The following PML variants were observed in gnomAD, a reference collection of about 807,000 sequenced individuals.
The protein encoded by PML is PML nuclear body scaffold.
A neutral mutation model predicts 65.2 loss-of-function variants in PML; 28 were observed. That is an observed-to-expected ratio of 0.43 (90% CI 0.32 to 0.59). The LOEUF is 0.59. PML is among the 20% of genes least tolerant of loss of function. PML has a pLI of 0.08. For synonymous variants in PML, 500 were observed against 508.8 expected (o/e 0.98, Z 0.23); for missense variants, 1,021 against 1,203.4 (o/e 0.85, Z 2.24).
At position 74,042,692 on chromosome 15, in the gene PML, T is replaced by C. The variant is rs529489071; in HGVS notation, c.1711-297T>C. On this transcript the variant is annotated intron_variant, in intron 7 of 8. Transcript: ENST00000268058. The surrounding 1 kb of genome is among the most constrained non-coding windows in gnomAD (Gnocchi z 5.3). The stretch of plus-strand genomic sequence containing the variant: ...CTTAACTGTGCATGCACACACAGAT[T>C]TAGCACTTGGATTCATTCCCACACA... 5.1e-6 allele frequency: 5 copies of C among 985,336 alleles called. No homozygotes were observed. In the South Asian group the frequency reaches 2.3e-4, roughly 46 times the overall value. The allele number at this position is 985,336 out of a possible 1,614,324, so 61.0% of individuals were successfully genotyped here.
At chr15:74,002,875 C>T (rs1288832069) in intron 2 of PML, among the ~76,000 whole-genome samples, 1 of 152,010 alleles carries the variant, frequency 6.6e-6, no homozygotes, top group African/African-American at 2.4e-5. Flanking sequence ...CCTGTAATCC[C>T]AACACTTTGG....
In PML at chr15:74,043,001, C is replaced by G; in HGVS notation, c.1723C>G (p.Leu575Val). ...SDAENSSSRELDDSSSESSDL... is the reference protein window; with the variant it reads ...SDAENSSSREVDDSSSESSDL... Reference sequence around the variant, plus strand: ...TTCTGTGTTGCAGTCCTCCCGAGAGCTGGATGACAGCAGCAGTGAGTCCAG... The same window carrying G: ...TTCTGTGTTGCAGTCCTCCCGAGAGGTGGATGACAGCAGCAGTGAGTCCAG... Residue 575 changes from leucine to valine, a missense_variant, in exon 8 of 9, where the codon CTG becomes GTG. Physicochemically the swap from Leu to Val is conservative, Grantham distance 32. Coordinates refer to ENST00000268058, the MANE Select transcript of PML (RefSeq NM_033238.3). The surrounding 1 kb of genome is among the most constrained non-coding windows in gnomAD (Gnocchi z 4.3). The G allele has an allele frequency of 6.2e-7, 1 of 1,613,722 alleles. No individual in the cohort carries two copies. The highest frequency in any genetic ancestry group is 8.5e-7 in the Non-Finnish European group (1 of 1,179,956).
At chr15:73,998,660 G>A (rs1003015450) in intron 2 of PML, among the ~76,000 whole-genome samples, 184 bp downstream of exon 2, 1 of 152,198 alleles carries the variant, frequency 6.6e-6, no homozygotes, top group Non-Finnish European at 1.5e-5. Flanking sequence ...CAGTCCCCAC[G>A]CAGGTGGATA....
At chr15:74,034,425 T>C (rs1448404404) in intron 6 of PML, 53 bp from the exon 7 acceptor site, 2 of 1,613,634 alleles carry the variant, frequency 1.2e-6, no homozygotes, top group Non-Finnish European at 1.7e-6. Context: ...CCCACACCCC[T>C]CCCAGCATGC....
intron 4 of PML, 25 bp downstream of exon 4, chr15:74,024,952 G>C (rs200726920): frequency 1.9e-6 from 3 of 1,540,158 alleles, no homozygotes; most frequent in Non-Finnish European, 2.7e-6. Context: ...AGGTCTGAAG[G>C]GGTGGTGGTG....
At chr15:74,016,403 GA>G (rs1024498159) in intron 2 of PML, among the ~76,000 whole-genome samples, 4 of 151,068 alleles carry the variant, frequency 2.6e-5, no homozygotes, top group Admixed American at 1.3e-4. Flanking sequence ...CCCTGTCTCT[GA>G]AAAAAAAATT....
In PML at chr15:74,034,479, G is replaced by A. The variant is rs1017637478; in HGVS notation, c.1659G>A (p.Glu553=). The stretch of plus-strand genomic sequence containing the variant: ...TGCATCTCCCCTTCCCCGTTTCAGA[G>A]GAACGCGTTGTGGTGATCAGCAGCT... ...NHVASGAGEA[E]ERVVVISSSE... Residue 553 remains glutamate, a splice_region_variant and synonymous_variant, in exon 7 of 9, where the codon GAG becomes GAA. Coordinates refer to ENST00000268058, the MANE Select transcript of PML (RefSeq NM_033238.3). 6 of 1,614,022 alleles carry A rather than the reference G, an allele frequency of 3.7e-6. No homozygotes were observed. Among genetic ancestry groups the A allele is most frequent in the Non-Finnish European group, 4.2e-6 (5 of 1,180,036 alleles).
intron 4 of PML, chr15:74,032,302 C>G (rs1276735465): frequency 1.4e-5 from 7 of 511,678 alleles, no homozygotes; most frequent in Non-Finnish European, 2.5e-5. Flanking sequence ...GAGACTGAAA[C>G]AGGAGAATTG....
At chr15:74,015,788 T>C (rs1438162357) in intron 2 of PML, among the ~76,000 whole-genome samples, 1 of 152,238 alleles carries the variant, frequency 6.6e-6, no homozygotes, top group Non-Finnish European at 1.5e-5. Context: ...TGTAACAGTC[T>C]ATAAGGGAAG....
intron 1 of PML, among the ~76,000 whole-genome samples, chr15:73,995,381 G>A (rs1301591201): frequency 1.3e-5 from 2 of 152,232 alleles, no homozygotes; most frequent in African/African-American, 2.4e-5. Flanking sequence ...CCAGATCCGA[G>A]GTGAGAAACT....
intron 2 of PML, among the ~76,000 whole-genome samples, chr15:74,003,117 C>A (rs895572827): frequency 1.9e-4 from 28 of 149,046 alleles, no homozygotes; most frequent in African/African-American, 6.4e-4. Context: ...CTGGGTGACA[C>A]AATGAGACTC....
At chr15:74,023,847 A>C (rs565763818) in intron 3 of PML, among the ~76,000 whole-genome samples, 68 of 152,158 alleles carry the variant, frequency 4.5e-4, no homozygotes, top group South Asian at 8.3e-4. Flanking sequence ...GGATGGTTGG[A>C]TGCTTACCCA....
chr15:74,019,857 T>A (rs2070757457), intron 2 of PML, among the ~76,000 whole-genome samples: 3 of 152,244 alleles, frequency 2.0e-5, no homozygotes, highest in Non-Finnish European at 4.4e-5. Flanking sequence ...ATAAAGAGCT[T>A]CCTCAATGGC....
intron 8 of PML, 22 bp from the exon 9 acceptor site, chr15:74,044,199 C>G: frequency 6.2e-7 from 1 of 1,613,136 alleles, no homozygotes; most frequent in Non-Finnish European, 8.5e-7. Context: ...GGGTCCTCAC[C>G]CTGCCCTTCT....
chr15:74,032,066 A>C (rs2071346111), intron 4 of PML, among the ~76,000 whole-genome samples: 1 of 152,192 alleles, frequency 6.6e-6, no homozygotes, highest in African/African-American at 2.4e-5. Flanking sequence ...TCTCACTGTT[A>C]AAGGAGCTGC....
At chr15:74,016,711 T>C (rs1301019586) in intron 2 of PML, among the ~76,000 whole-genome samples, 2 of 151,968 alleles carry the variant, frequency 1.3e-5, no homozygotes, top group Non-Finnish European at 2.9e-5. Context: ...CATTTAGTGT[T>C]GTATAACTTG....
intron 2 of PML, among the ~76,000 whole-genome samples, chr15:73,999,550 G>A (rs79862065): frequency 0.046 from 7,037 of 152,228 alleles, 241 homozygotes; most frequent in East Asian, 0.19. Context: ...AGGTTGAGTG[G>A]CTTTCCACTT....
At chr15:74,005,847 G>A (rs542577634) in intron 2 of PML, among the ~76,000 whole-genome samples, 1 of 152,258 alleles carries the variant, frequency 6.6e-6, no homozygotes, top group African/African-American at 2.4e-5. Context: ...ATTGTTCAGT[G>A]TTTGTAGCTA....
intron 4 of PML, chr15:74,026,717 C>T (rs931872816): frequency 6.6e-6 from 1 of 152,218 alleles, no homozygotes; most frequent in Non-Finnish European, 1.5e-5. Context: ...GTGACACAAT[C>T]TCGGCTCACT....
Sources: allele counts gnomAD v4.1 joint callset (sites outside exome capture counted in the v4.1 genomes callset), GRCh38; gene constraint gnomAD v4.1.1; non-coding constraint Gnocchi (gnomAD v3.1); transcripts MANE v1.5; gene names NCBI Gene and HGNC (gene_info 2026-07-23, HGNC 2026-07-21).